Variants in PITPNC1 observed in about 807,000 individuals in gnomAD.
PITPNC1 encodes cytoplasmic phosphatidylinositol transfer protein 1.
A neutral mutation model predicts 44.7 loss-of-function variants in PITPNC1; 18 were observed. The observed-to-expected ratio is 0.40, with a 90% CI of 0.28 to 0.60. The LOEUF is 0.60. PITPNC1 is among the 20% of genes least tolerant of loss of function. The pLI, the probability that PITPNC1 is intolerant of heterozygous loss-of-function variation, is 0.39. For synonymous variants in PITPNC1, 141 were observed against 149.6 expected, an observed-to-expected ratio of 0.94 and a Z score of 0.42; for missense variants, 290 against 418.4, an observed-to-expected ratio of 0.69 and a Z score of 2.68.
At chr17:67,554,230 T>TCACAA (rs1243824655) in intron 4 of PITPNC1, among the ~76,000 whole-genome samples, 1 of 150,476 alleles carries the variant, frequency 6.6e-6, no homozygotes, top group Non-Finnish European at 1.5e-5. Context: ...GGTCAACCTA[T>TCACAA]CACAACAAGA....
In PITPNC1 at chr17:67,671,930, A is replaced by ATTTTG. The variant is rs559582612; in HGVS notation, c.618+2282_618+2286dup. ...TTACTAGGGCCACTATCATAGTATT[A>ATTTTG]TTTTGTTTTGTTTTGTTTTTTTGAG... On this transcript the variant is annotated intron_variant, in intron 7 of 8. Coordinates refer to ENST00000581322, the MANE Select transcript of PITPNC1 (RefSeq NM_012417.4). 5.5e-3 allele frequency among the ~76,000 whole-genome samples: 833 copies of ATTTTG among 151,818 alleles called. 8 individuals carry two copies. Among genetic ancestry groups the ATTTTG allele is most frequent in the African/African-American group, 0.019 (797 of 41,384 alleles).
At position 67,680,600 on chromosome 17, in the gene PITPNC1, C is replaced by CA. The variant is rs11354234; in HGVS notation, c.682+5075dup. Among the ~76,000 whole-genome samples, 128 of 132,438 alleles carry CA rather than the reference C, an allele frequency of 9.7e-4. 1 individual carries two copies. Among genetic ancestry groups the CA allele is most frequent in the East Asian group, 4.6e-3 (21 of 4,550 alleles). The allele number at this position is 132,438 out of a possible 152,430, so 86.9% of individuals were successfully genotyped here. A position where few individuals can be genotyped will look rare whatever the true frequency, so the allele number is the denominator to read the frequency against. ...GGGCAACAAGAGTGAAACTCTGTCT[C>CA]AAAAAAAAAAAAAAAAATCACAACT... On this transcript the variant is annotated intron_variant, in intron 8 of 8. Transcript: ENST00000581322.
At chr17:67,689,971 A>G (rs1320472889) in intron 8 of PITPNC1, among the ~76,000 whole-genome samples, 1 of 152,162 alleles carries the variant, frequency 6.6e-6, no homozygotes, top group African/African-American at 2.4e-5. Context: ...AAAAATTGGT[A>G]AGTTTATAGG....
chr17:67,492,007 T>C lies in PITPNC1; in HGVS notation c.49-40795T>C, dbSNP rs1445763400. Among the ~76,000 whole-genome samples, 13 of 148,202 alleles carry C rather than the reference T, an allele frequency of 8.8e-5. No individual in the cohort carries two copies. In the South Asian group the frequency reaches 1.1e-3, roughly 13 times the overall value. On this transcript the variant is annotated intron_variant, in intron 1 of 8. Coordinates refer to ENST00000581322, the MANE Select transcript of PITPNC1 (RefSeq NM_012417.4). ...AGCGGTCTTCCTTTTTTTTTCTTTTTTTTTTAAAAAAAAAAAGATGTGCAA... is the reference window on the plus strand; with the variant it reads ...AGCGGTCTTCCTTTTTTTTTCTTTTCTTTTTAAAAAAAAAAAGATGTGCAA...
chr17:67,485,370 ATTT>A lies in PITPNC1; in HGVS notation c.49-47413_49-47411del, dbSNP rs56863875. On this transcript the variant is annotated intron_variant, in intron 1 of 8. Transcript: ENST00000581322. The stretch of plus-strand genomic sequence containing the variant: ...ACTGAGAGTCATCATTAGTTGGGTG[ATTT>A]TTTTTTTTTTTTTTTTTTGACATAG... Among the ~76,000 whole-genome samples, 1,205 of 122,088 alleles carry A rather than the reference ATTT, an allele frequency of 9.9e-3. 17 individuals carry two copies. The highest frequency in any genetic ancestry group is 0.03 in the African/African-American group (979 of 32,348). The allele number at this position is 122,088 out of a possible 152,430, so 80.1% of individuals were successfully genotyped here.
At chr17:67,578,731 C>T (rs1446081542) in intron 5 of PITPNC1, among the ~76,000 whole-genome samples, 3 of 152,354 alleles carry the variant, frequency 2.0e-5, no homozygotes, top group East Asian at 3.9e-4. Context: ...CCTGTAATCC[C>T]AGCACTCTGG....
chr17:67,432,703 G>A (rs1474152107), intron 1 of PITPNC1, among the ~76,000 whole-genome samples: 1 of 152,154 alleles, frequency 6.6e-6, no homozygotes, highest in Admixed American at 6.6e-5. Flanking sequence ...ATTATCTCAT[G>A]TAATCCTAAA....
intron 8 of PITPNC1, among the ~76,000 whole-genome samples, chr17:67,690,024 C>T (rs996505750): frequency 3.3e-5 from 5 of 152,204 alleles, no homozygotes; most frequent in African/African-American, 1.2e-4. Context: ...ATCTTATCCA[C>T]ATAGTCATAA....
chr17:67,630,077 C>G (rs962412564), intron 5 of PITPNC1, among the ~76,000 whole-genome samples: 1 of 152,180 alleles, frequency 6.6e-6, no homozygotes, highest in Non-Finnish European at 1.5e-5. Flanking sequence ...AGAATCCAAC[C>G]GAGATGAGTT....
At chr17:67,502,291 T>TA (rs2144071311) in intron 1 of PITPNC1, among the ~76,000 whole-genome samples, 1 of 152,184 alleles carries the variant, frequency 6.6e-6, no homozygotes, top group Admixed American at 6.5e-5. Flanking sequence ...GTACTTTTTT[T>TA]TTTTTTAGGC....
At chr17:67,454,025 C>T (rs571122180) in intron 1 of PITPNC1, among the ~76,000 whole-genome samples, 11 of 152,188 alleles carry the variant, frequency 7.2e-5, no homozygotes, top group Non-Finnish European at 1.3e-4. Context: ...CCAAGGCGGG[C>T]AGATCGCCTG....
chr17:67,660,222 C>A (rs1403355216), intron 6 of PITPNC1, among the ~76,000 whole-genome samples: 2 of 152,070 alleles, frequency 1.3e-5, no homozygotes, highest in African/African-American at 4.8e-5. Flanking sequence ...TTCCTCCTGC[C>A]CTGTTTTATT....
intron 4 of PITPNC1, among the ~76,000 whole-genome samples, chr17:67,568,125 A>G (rs949633551): frequency 1.3e-5 from 2 of 152,236 alleles, no homozygotes; most frequent in Admixed American, 1.3e-4. Flanking sequence ...ATAAATGGAG[A>G]AATCAGATGT....
At chr17:67,479,331 C>T (rs565715265) in intron 1 of PITPNC1, among the ~76,000 whole-genome samples, 97 of 152,314 alleles carry the variant, frequency 6.4e-4, no homozygotes, top group African/African-American at 2.2e-3. Context: ...AGCAGCTGCC[C>T]ATGAGGAACA....
At chr17:67,605,051 C>A (rs1407406840) in intron 5 of PITPNC1, among the ~76,000 whole-genome samples, 1 of 152,030 alleles carries the variant, frequency 6.6e-6, no homozygotes, top group Non-Finnish European at 1.5e-5. Flanking sequence ...TGCACTCCAG[C>A]CAGGGCAACA....
chr17:67,457,856 G>T (rs2039277728), intron 1 of PITPNC1: 1 of 152,112 alleles, frequency 6.6e-6, no homozygotes, highest in African/African-American at 2.4e-5. Flanking sequence ...TTAAAATGTT[G>T]CTTCTCCTTC....
At chr17:67,540,711 G>C (rs1333620187) in intron 2 of PITPNC1, among the ~76,000 whole-genome samples, 1 of 152,164 alleles carries the variant, frequency 6.6e-6, no homozygotes, top group African/African-American at 2.4e-5. Context: ...ATTAGTGACT[G>C]ATTGAATAAC....
chr17:67,555,418 C>T (rs554156155), intron 4 of PITPNC1, among the ~76,000 whole-genome samples: 222 of 152,254 alleles, frequency 1.5e-3, no homozygotes, highest in Middle Eastern at 6.8e-3. Context: ...ACTTTGCCAA[C>T]GCTAAATATA....
chr17:67,666,001 C>T (rs1187829140), intron 6 of PITPNC1, among the ~76,000 whole-genome samples: 1 of 152,022 alleles, frequency 6.6e-6, no homozygotes, highest in African/African-American at 2.4e-5. Flanking sequence ...TCACCATGCC[C>T]AGCTCATTTT....
Sources: allele counts gnomAD v4.1 joint callset (sites outside exome capture counted in the v4.1 genomes callset), GRCh38; gene constraint gnomAD v4.1.1; transcripts MANE v1.5; gene names NCBI Gene and HGNC (gene_info 2026-07-23, HGNC 2026-07-21).